The following PLEKHH2 variants were observed in gnomAD, a reference collection of about 807,000 sequenced individuals.
PLEKHH2 encodes the protein pleckstrin homology domain-containing family H member 2.
In PLEKHH2, 129 loss-of-function variants were observed where a neutral mutation model predicts 187.9. The observed-to-expected ratio is 0.69, with a 90% CI of 0.59 to 0.79. PLEKHH2 has a LOEUF of 0.79. Among genes scored for constraint, PLEKHH2 ranks in the 30% least tolerant of loss-of-function variants. The pLI is 0.00. For missense variants in PLEKHH2, 2,076 were observed against 1,751.2 expected, an observed-to-expected ratio of 1.19 and a Z score of -3.31; for synonymous variants, 686 against 605.6, an observed-to-expected ratio of 1.13 and a Z score of -1.95.
chr2:43,710,360 G>A (rs772660062), intron 13 of PLEKHH2, 30 bp downstream of exon 13: 30 of 1,602,632 alleles, frequency 1.9e-5, no homozygotes, highest in East Asian at 1.6e-4. Flanking sequence ...TGTTTAGAAC[G>A]TAATTCCTCA....
chr2:43,649,210 T>C lies in PLEKHH2; in HGVS notation c.123+4414T>C, dbSNP rs146997782. On this transcript the variant is annotated intron_variant, in intron 2 of 29. Transcript: ENST00000282406. ...GGAAATATCCCTAGTATGCCAAATA[T>C]AAACTCTTCAGGGAAGCTGAGATTT... is the stretch of plus-strand genomic sequence containing the variant. Among the ~76,000 whole-genome samples the C allele has an allele frequency of 2.8e-3, 419 of 152,318 alleles. 3 individuals carry two copies. The highest frequency in any genetic ancestry group is 9.5e-3 in the African/African-American group (397 of 41,574).
At chr2:43,658,088 T>G (rs983613310) in intron 2 of PLEKHH2, among the ~76,000 whole-genome samples, 4 of 152,238 alleles carry the variant, frequency 2.6e-5, no homozygotes, top group African/African-American at 9.6e-5. Flanking sequence ...ATTATTATCT[T>G]GAGCTTTCAT....
chr2:43,732,136 G>A (rs958144278), intron 19 of PLEKHH2, among the ~76,000 whole-genome samples: 3 of 152,090 alleles, frequency 2.0e-5, no homozygotes, highest in African/African-American at 7.2e-5. Context: ...GGCCGAGGAG[G>A]GTGGATCACC....
At chr2:43,694,741 C>G (rs1669006208) in intron 5 of PLEKHH2, among the ~76,000 whole-genome samples, 1 of 152,072 alleles carries the variant, frequency 6.6e-6, no homozygotes, top group East Asian at 1.9e-4. Flanking sequence ...TAACTTTATT[C>G]TAATAAGTTA....
intron 15 of PLEKHH2, among the ~76,000 whole-genome samples, chr2:43,719,373 A>T (rs1297643910): frequency 6.6e-6 from 1 of 152,168 alleles, no homozygotes; most frequent in Non-Finnish European, 1.5e-5. Flanking sequence ...GAAGGCATCA[A>T]ATGTTTTTGA....
At chr2:43,761,093 T>A (rs1672411448) in intron 27 of PLEKHH2, among the ~76,000 whole-genome samples, 1 of 152,210 alleles carries the variant, frequency 6.6e-6, no homozygotes, top group Non-Finnish European at 1.5e-5. Flanking sequence ...ATTCTCCCTA[T>A]CCTTTGCAAA....
chr2:43,698,858 G>T (rs1285881792), intron 7 of PLEKHH2, among the ~76,000 whole-genome samples: 1 of 152,068 alleles, frequency 6.6e-6, no homozygotes, highest in East Asian at 1.9e-4. Flanking sequence ...CATATCTAAA[G>T]ATATTTTTAA....
chr2:43,751,707 G>C (rs1169039185), intron 24 of PLEKHH2, among the ~76,000 whole-genome samples: 1 of 152,190 alleles, frequency 6.6e-6, no homozygotes, highest in African/African-American at 2.4e-5. Flanking sequence ...TTTAGGATTT[G>C]GAAGCAGCTG....
chr2:43,686,589 A>G (rs953165108), intron 3 of PLEKHH2, among the ~76,000 whole-genome samples: 1 of 152,216 alleles, frequency 6.6e-6, no homozygotes, highest in African/African-American at 2.4e-5. Flanking sequence ...ATGCTTTGCT[A>G]TATGAGGCCC....
At chr2:43,695,018 T>C in intron 5 of PLEKHH2, 125 bp from the exon 6 acceptor site, 1 of 437,990 alleles carries the variant, frequency 2.3e-6, no homozygotes, top group Admixed American at 4.0e-5. Flanking sequence ...TTGTTTATCA[T>C]TTCCTTTGTA....
chr2:43,708,224 A>C (rs1349719687), intron 11 of PLEKHH2, among the ~76,000 whole-genome samples: 1 of 152,206 alleles, frequency 6.6e-6, no homozygotes, highest in African/African-American at 2.4e-5. Flanking sequence ...CGCTACAGCC[A>C]GAATCAGGTT....
intron 2 of PLEKHH2, among the ~76,000 whole-genome samples, chr2:43,677,526 G>T (rs1284291939): frequency 1.3e-5 from 2 of 151,958 alleles, no homozygotes; most frequent in East Asian, 3.9e-4. Context: ...TAAGGTCACA[G>T]ATCAACAGGA....
chr2:43,757,873 AAT>A (rs1398061379), intron 26 of PLEKHH2, among the ~76,000 whole-genome samples: 2 of 152,138 alleles, frequency 1.3e-5, no homozygotes, highest in East Asian at 3.8e-4. Context: ...ATTGGCCAAT[AAT>A]ATGTTTAATT....
At chr2:43,733,280 T>G (rs937406063) in intron 19 of PLEKHH2, among the ~76,000 whole-genome samples, 6 of 151,116 alleles carry the variant, frequency 4.0e-5, no homozygotes, top group African/African-American at 1.5e-4. Context: ...GGAGAATCAC[T>G]TGAACCTAGG....
In PLEKHH2 at chr2:43,700,625, A is replaced by G. The variant is rs766149794; in HGVS notation, c.1650+17A>G. On this transcript the variant is annotated intron_variant, in intron 8 of 29. Transcript: ENST00000282406. ...CCTTCTTGGGTAATTATATCACCGC[A>G]TGTAACACATACGCAGTAGTTTTTT... 3.0e-5 allele frequency: 47 copies of G among 1,590,964 alleles called. No individual in the cohort carries two copies. Among genetic ancestry groups the G allele is most frequent in the East Asian group, 1.6e-4 (7 of 44,762 alleles).
chr2:43,670,855 G>C (rs1667462724), intron 2 of PLEKHH2, among the ~76,000 whole-genome samples: 1 of 151,846 alleles, frequency 6.6e-6, no homozygotes, highest in Admixed American at 6.6e-5. Flanking sequence ...AGTATATTGT[G>C]ATTTTCAGCA....
At chr2:43,649,055 AT>A (rs1011707166) in intron 2 of PLEKHH2, among the ~76,000 whole-genome samples, 6 of 151,834 alleles carry the variant, frequency 4.0e-5, no homozygotes, top group Non-Finnish European at 5.9e-5. Flanking sequence ...TTTTGCACCT[AT>A]TTTTTTTCAT....
intron 11 of PLEKHH2, 65 bp from the exon 12 acceptor site, chr2:43,709,925 C>T: frequency 6.9e-7 from 1 of 1,440,250 alleles, no homozygotes; most frequent in South Asian, 1.3e-5. Context: ...TAGGAGCACT[C>T]AGAGCTGGTG....
intron 25 of PLEKHH2, among the ~76,000 whole-genome samples, 163 bp downstream of exon 25, chr2:43,753,923 C>A (rs758575271): frequency 3.9e-5 from 6 of 152,154 alleles, no homozygotes; most frequent in Non-Finnish European, 8.8e-5. Context: ...TGCCTCTAAA[C>A]TGCTGACAAT....
Sources: allele counts gnomAD v4.1 joint callset (sites outside exome capture counted in the v4.1 genomes callset), GRCh38; gene constraint gnomAD v4.1.1; transcripts MANE v1.5; gene names NCBI Gene and HGNC (gene_info 2026-07-23, HGNC 2026-07-21).